Variants in GTPBP10 observed in about 807,000 individuals in gnomAD.
GTPBP10 encodes GTP binding protein 10.
Under a neutral mutation model 44.8 loss-of-function variants are expected in GTPBP10, and 38 were observed. That is an observed-to-expected ratio of 0.85 (90% CI 0.65 to 1.11). The LOEUF is 1.11. Ranked by LOEUF, GTPBP10 falls within the 50% of genes most tolerant of loss-of-function variation. The pLI, the probability that GTPBP10 is intolerant of heterozygous loss-of-function variation, is 0.00. For synonymous variants in GTPBP10, 152 were observed against 150.6 expected (o/e 1.01, Z -0.07); for missense variants, 462 against 453.7 (o/e 1.02, Z -0.17).
At position 90,352,858 on chromosome 7, in the gene GTPBP10, G is replaced by A. The variant is rs887978131; in HGVS notation, c.76G>A (p.Gly26Arg). ...IDKLRLFTRG[G>R]SGGMGYPRLG... ...TAAGCTAAGACTCTTCACCAGGGGA[G>A]GATCCGGTGGAATGGGTTATCCTCG... is the stretch of plus-strand genomic sequence containing the variant. Residue 26 changes from glycine to arginine, a missense_variant, in exon 2 of 10, where the codon GGA becomes AGA. Physicochemically the swap from Gly to Arg is moderately radical, Grantham distance 125. Transcript: ENST00000222511. 4.3e-6 allele frequency: 7 copies of A among 1,613,474 alleles called. No homozygotes were observed. In the Admixed American group the frequency reaches 5.0e-5, roughly 12 times the overall value.
intron 8 of GTPBP10, among the ~76,000 whole-genome samples, chr7:90,379,854 T>C (rs1238428617): frequency 2.0e-5 from 3 of 152,204 alleles, no homozygotes; most frequent in Non-Finnish European, 4.4e-5. Flanking sequence ...GTTTTTACTT[T>C]AGTCATCCTA....
intron 3 of GTPBP10, 134 bp from the exon 4 acceptor site, chr7:90,354,952 A>T: frequency 1.9e-6 from 1 of 517,348 alleles, no homozygotes; most frequent in Non-Finnish European, 3.4e-6. Context: ...AAAATATTAC[A>T]TTAATGATTT....
intron 4 of GTPBP10, among the ~76,000 whole-genome samples, chr7:90,370,878 G>C (rs987387504): frequency 1.3e-5 from 2 of 151,728 alleles, no homozygotes; most frequent in Non-Finnish European, 2.9e-5. Context: ...ATTGTGGCGG[G>C]CGCCTGTAGT....
At position 90,363,853 on chromosome 7, in the gene GTPBP10, T is replaced by C. The variant is rs541398323; in HGVS notation, c.465-8302T>C. Among the ~76,000 whole-genome samples, 13 of 131,580 alleles carry C rather than the reference T, an allele frequency of 9.9e-5. No individual in the cohort carries two copies. In the East Asian group the frequency reaches 3.0e-3, roughly 31 times the overall value. 86.3% of individuals were successfully genotyped at this position (131,580 alleles called of 152,430 possible). A position where few individuals can be genotyped will look rare whatever the true frequency, so the allele number is the denominator to read the frequency against. Reference sequence around the variant, plus strand: ...TCATTTCGTTTTACTCTTTTTTCTCTAAAATTCTCTTCTTGCTTCATTTCA... The same window carrying C: ...TCATTTCGTTTTACTCTTTTTTCTCCAAAATTCTCTTCTTGCTTCATTTCA... On this transcript the variant is annotated intron_variant, in intron 4 of 9. Transcript: ENST00000222511.
intron 2 of GTPBP10, among the ~76,000 whole-genome samples, chr7:90,353,444 C>T (rs556204167): frequency 1.4e-4 from 22 of 152,170 alleles, no homozygotes; most frequent in Non-Finnish European, 2.9e-4. Flanking sequence ...AATTATGTGC[C>T]TAAAAGTTTA....
At chr7:90,371,471 A>G (rs1796256423) in intron 4 of GTPBP10, among the ~76,000 whole-genome samples, 1 of 152,222 alleles carries the variant, frequency 6.6e-6, no homozygotes, top group Non-Finnish European at 1.5e-5. Context: ...ATAGAGGGAA[A>G]AAGAGCATGT....
intron 4 of GTPBP10, among the ~76,000 whole-genome samples, chr7:90,361,601 G>T (rs962606206): frequency 2.0e-5 from 3 of 151,958 alleles, no homozygotes; most frequent in African/African-American, 7.3e-5. Flanking sequence ...TCTCTTTTTT[G>T]TTGTGTCTCA....
At chr7:90,351,735 G>T (rs549662588) in intron 1 of GTPBP10, among the ~76,000 whole-genome samples, 1 of 151,488 alleles carries the variant, frequency 6.6e-6, no homozygotes, top group Non-Finnish European at 1.5e-5. Flanking sequence ...TCGCTCTGTC[G>T]CCCAGGCTAG....
chr7:90,384,208 A>C (rs1293179855), intron 9 of GTPBP10, among the ~76,000 whole-genome samples: 2 of 152,206 alleles, frequency 1.3e-5, no homozygotes, highest in East Asian at 1.9e-4. Context: ...TGAATCTCAG[A>C]AAGTAAGCTC....
chr7:90,375,017 A>G (rs1796319784), intron 6 of GTPBP10, among the ~76,000 whole-genome samples: 1 of 152,198 alleles, frequency 6.6e-6, no homozygotes, highest in Non-Finnish European at 1.5e-5. Context: ...ACTGTGATAT[A>G]TATTTAGACA....
chr7:90,373,897 GT>G (rs1796302225), intron 5 of GTPBP10, among the ~76,000 whole-genome samples: 1 of 152,168 alleles, frequency 6.6e-6, no homozygotes, highest in South Asian at 2.1e-4. Flanking sequence ...CAGGAGTACA[GT>G]GGCATGATCA....
chr7:90,362,343 C>T (rs1472219182), intron 4 of GTPBP10, among the ~76,000 whole-genome samples: 1 of 152,062 alleles, frequency 6.6e-6, no homozygotes, highest in African/African-American at 2.4e-5. Context: ...TGTTTGTTCT[C>T]ATTGGTTTCA....
In GTPBP10 at chr7:90,374,286, C is replaced by T. The variant is rs1796307409; in HGVS notation, c.539-16C>T. ...AATAAATTCTAGCCTTAATTTATTG[C>T]TGTGTTTCCTTTTAGTTACAACATT... On this transcript the variant is annotated splice_polypyrimidine_tract_variant and intron_variant, in intron 5 of 9. Coordinates refer to ENST00000222511, the MANE Select transcript of GTPBP10 (RefSeq NM_033107.4). The T allele has an allele frequency of 3.2e-6, 5 of 1,562,456 alleles. No homozygotes were observed. Among genetic ancestry groups the T allele is most frequent in the Non-Finnish European group, 4.4e-6 (5 of 1,134,152 alleles).
Position 90,385,254 on chromosome 7 carries a change from C to T in GTPBP10, c.*100C>T, listed in dbSNP as rs1179973793. On this transcript the variant is annotated 3_prime_UTR_variant, in exon 10 of 10. Coordinates refer to ENST00000222511, the MANE Select transcript of GTPBP10 (RefSeq NM_033107.4). ...TGGAGGACATGTTAAGTAAAATAAG[C>T]CAGGCTTAGAAAGACAAATGCTGCA... is the stretch of plus-strand genomic sequence containing the variant. 3.7e-6 allele frequency: 3 copies of T among 819,540 alleles called. No homozygotes were observed. The African/African-American group carries it at 5.2e-5, about 14-fold the overall frequency. 50.8% of individuals were successfully genotyped at this position (819,540 alleles called of 1,614,324 possible).
intron 1 of GTPBP10, among the ~76,000 whole-genome samples, chr7:90,351,050 G>A (rs1795780817): frequency 2.0e-5 from 3 of 152,184 alleles, no homozygotes; most frequent in Admixed American, 1.3e-4. Flanking sequence ...CTCATGGGGA[G>A]ACGATTAGCA....
intron 4 of GTPBP10, among the ~76,000 whole-genome samples, chr7:90,365,368 CTTTTTTTTTTTT>C (rs59645149): frequency 1.8e-4 from 16 of 90,364 alleles, no homozygotes; most frequent in African/African-American, 2.3e-4. Flanking sequence ...TTGGGGTTTT[CTTTTTTTTTTTT>C]TTTTTTTTTT....
intron 9 of GTPBP10, among the ~76,000 whole-genome samples, 160 bp from the exon 10 acceptor site, chr7:90,384,732 T>C (rs1158822911): frequency 1.3e-5 from 2 of 152,010 alleles, no homozygotes; most frequent in Non-Finnish European, 2.9e-5. Flanking sequence ...CCATAATCAA[T>C]GGTAAAATCC....
At chr7:90,361,209 G>A (rs1364538314) in intron 4 of GTPBP10, among the ~76,000 whole-genome samples, 2 of 152,136 alleles carry the variant, frequency 1.3e-5, no homozygotes, top group East Asian at 1.9e-4. Context: ...CCTGTGTTGT[G>A]CTGGTTTTCA....
chr7:90,362,110 G>C (rs1408376782), intron 4 of GTPBP10, among the ~76,000 whole-genome samples: 2 of 151,708 alleles, frequency 1.3e-5, no homozygotes, highest in Non-Finnish European at 2.9e-5. Flanking sequence ...TTTTTTGAAG[G>C]GTTTTTTGTG....
Sources: allele counts gnomAD v4.1 joint callset (sites outside exome capture counted in the v4.1 genomes callset), GRCh38; gene constraint gnomAD v4.1.1; transcripts MANE v1.5; gene names NCBI Gene and HGNC (gene_info 2026-07-23, HGNC 2026-07-21).